The following SLC36A1 variants were observed in gnomAD, a reference collection of about 807,000 sequenced individuals.
The protein encoded by SLC36A1 is solute carrier family 36 member 1.
In SLC36A1, 30 loss-of-function variants were observed where a neutral mutation model predicts 47.5. That is an observed-to-expected ratio of 0.63 (90% CI 0.47 to 0.86). The LOEUF (loss-of-function observed/expected upper bound fraction) is 0.86. Among genes scored for constraint, SLC36A1 ranks in the 40% least tolerant of loss-of-function variants. The pLI is 0.00. For synonymous variants in SLC36A1, 255 were observed against 249.7 expected (o/e 1.02, Z -0.20); for missense variants, 517 against 606.0 (o/e 0.85, Z 1.54).
At chr5:151,528,029 C>G in the SLC36A1 span, 14 of 1,614,244 alleles carry the variant, frequency 8.7e-6, no homozygotes, top group Middle Eastern at 6.6e-4. Flanking sequence ...CCACCTGTAG[C>G]TCCCCCTTTT....
the SLC36A1 span, among the ~76,000 whole-genome samples, chr5:151,356,012 A>G: frequency 6.6e-6 from 1 of 152,142 alleles, no homozygotes; most frequent in Admixed American, 6.5e-5. Flanking sequence ...GGCATATTTA[A>G]AAATTAATAT....
chr5:151,510,039 T>C, the SLC36A1 span: 17 of 1,614,048 alleles, frequency 1.1e-5, no homozygotes, highest in South Asian at 2.2e-5. Context: ...TGTGTAAGGA[T>C]GAGGGCAGTT....
In SLC36A1 at chr5:151,477,395, G is replaced by A. The variant is rs1272183057; in HGVS notation, c.989+639G>A. The A allele has an allele frequency of 2.6e-5, 4 of 154,754 alleles. No homozygotes were observed. The East Asian group carries it at 7.6e-4, about 29-fold the overall frequency. 9.6% of individuals were successfully genotyped at this position (154,754 alleles called of 1,614,324 possible). On this transcript the variant is annotated intron_variant, in intron 9 of 10. Coordinates refer to ENST00000243389, the MANE Select transcript of SLC36A1 (RefSeq NM_078483.4). ...TCAGAATCAGCTTTCAGTCTAGGCTGGCTGATCTGCCTGGGTGTGCTTTTT... is the reference window on the plus strand; with the variant it reads ...TCAGAATCAGCTTTCAGTCTAGGCTAGCTGATCTGCCTGGGTGTGCTTTTT...
At chr5:151,539,003 G>C in the SLC36A1 span, among the ~76,000 whole-genome samples, 2 of 152,046 alleles carry the variant, frequency 1.3e-5, no homozygotes, top group Non-Finnish European at 2.9e-5. Context: ...GGTTCCCCAG[G>C]CCTCTTTTTT....
At chr5:151,355,897 G>A in the SLC36A1 span, among the ~76,000 whole-genome samples, 2 of 152,160 alleles carry the variant, frequency 1.3e-5, no homozygotes, top group Non-Finnish European at 1.5e-5. Context: ...AGATCTGGAA[G>A]GATTCACAGT....
chr5:151,478,604 T>C (rs938293550), intron 9 of SLC36A1, among the ~76,000 whole-genome samples: 2 of 152,220 alleles, frequency 1.3e-5, no homozygotes, highest in African/African-American at 4.8e-5. Flanking sequence ...TTTTTATTTT[T>C]GAAGGCATGT....
chr5:151,534,767 A>G, the SLC36A1 span: 1 of 722,258 alleles, frequency 1.4e-6, no homozygotes, highest in South Asian at 1.9e-5. Context: ...AGGAGGGGTC[A>G]ATACAGTCAG....
At chr5:151,433,250 A>T (rs1305548630), upstream of SLC36A1, among the ~76,000 whole-genome samples, 4 of 12,632 alleles carry the variant, frequency 3.2e-4, no homozygotes, top group South Asian at 3.2e-3. Context: ...ATATATATAT[A>T]TATATATATA....
the SLC36A1 span, among the ~76,000 whole-genome samples, chr5:151,377,090 G>T: frequency 6.6e-6 from 1 of 152,096 alleles, no homozygotes; most frequent in African/African-American, 2.4e-5. Flanking sequence ...ACTTCATAGG[G>T]TTTCAGTTTT....
At chr5:151,378,935 C>T in the SLC36A1 span, among the ~76,000 whole-genome samples, 3 of 152,368 alleles carry the variant, frequency 2.0e-5, no homozygotes, top group Admixed American at 6.5e-5. Context: ...GATGGACACC[C>T]GTATCTCTCG....
the SLC36A1 span, chr5:151,509,804 C>T: frequency 3.0e-5 from 16 of 541,202 alleles, no homozygotes; most frequent in Admixed American, 1.1e-4. Flanking sequence ...AACCATCTCC[C>T]GTTTCTCCTG....
upstream of SLC36A1, among the ~76,000 whole-genome samples, chr5:151,436,156 A>G (rs1217233005): frequency 6.6e-6 from 1 of 152,186 alleles, no homozygotes; most frequent in Non-Finnish European, 1.5e-5. Flanking sequence ...ACAGATCTTA[A>G]GTGTACAGTT....
At chr5:151,414,754 A>G in the SLC36A1 span, 1 of 152,190 alleles carries the variant, frequency 6.6e-6, no homozygotes, top group African/African-American at 2.4e-5. Context: ...CACAGTCAGG[A>G]AGAACACAAT....
At chr5:151,554,215 A>G in the SLC36A1 span, 1,856 of 722,200 alleles carry the variant, frequency 2.6e-3, 23 homozygotes, top group African/African-American at 0.03. Context: ...GCTGAAGCTG[A>G]GACTCCCAGT....
rs1756141976 is a variant in SLC36A1 at position 151,465,067 on chromosome 5, C to G, written c.324-7C>G. 6.2e-7 allele frequency: 1 copy of G among 1,609,922 alleles called. No individual in the cohort carries two copies. Among genetic ancestry groups the G allele is most frequent in the Non-Finnish European group, 8.5e-7 (1 of 1,176,186 alleles). The stretch of plus-strand genomic sequence containing the variant: ...TCTGTCCTTCCTCTTCCCTCCTACT[C>G]TTCCAGGCTGAATAAATCCTTTGTG... On this transcript the variant is annotated splice_region_variant and splice_polypyrimidine_tract_variant and intron_variant, in intron 4 of 10. Coordinates refer to ENST00000243389, the MANE Select transcript of SLC36A1 (RefSeq NM_078483.4).
At chr5:151,475,313 A>C (rs1389499849) in intron 8 of SLC36A1, among the ~76,000 whole-genome samples, 1 of 152,254 alleles carries the variant, frequency 6.6e-6, no homozygotes, top group Admixed American at 6.5e-5. Context: ...TTTCCCTAAC[A>C]GCACAGCGCA....
chr5:151,453,134 G>A (rs1581068820), intron 1 of SLC36A1, among the ~76,000 whole-genome samples: 1 of 151,618 alleles, frequency 6.6e-6, no homozygotes, highest in South Asian at 2.1e-4. Flanking sequence ...AACCTGGGAG[G>A]CGGAGGTTGC....
At chr5:151,444,436 AT>A (rs1752802342), upstream of SLC36A1, among the ~76,000 whole-genome samples, 1 of 152,198 alleles carries the variant, frequency 6.6e-6, no homozygotes, top group African/African-American at 2.4e-5. Flanking sequence ...AAATAAAATC[AT>A]TCTCTTTATT....
chr5:151,526,262 T>C, the SLC36A1 span, among the ~76,000 whole-genome samples: 1 of 152,202 alleles, frequency 6.6e-6, no homozygotes, highest in Non-Finnish European at 1.5e-5. Flanking sequence ...GAGAGATGAC[T>C]TGCTCAAGAT....
Sources: allele counts gnomAD v4.1 joint callset (sites outside exome capture counted in the v4.1 genomes callset), GRCh38; gene constraint gnomAD v4.1.1; transcripts MANE v1.5; gene names NCBI Gene and HGNC (gene_info 2026-07-23, HGNC 2026-07-21).